The following TMEM225B variants were observed in gnomAD, a reference collection of about 807,000 sequenced individuals.
The protein encoded by TMEM225B is transmembrane protein 225-like.
A neutral mutation model predicts 16.9 loss-of-function variants in TMEM225B; 10 were observed. The ratio of observed to expected loss-of-function variants is 0.59; its 90% CI spans 0.36 to 1.00. The LOEUF is 1.00. TMEM225B is among the 50% of genes least tolerant of loss of function. TMEM225B has a pLI of 0.01. For missense variants in TMEM225B, 217 were observed against 267.0 expected (o/e 0.81, Z 1.30); for synonymous variants, 92 against 109.8 (o/e 0.84, Z 1.01).
In TMEM225B at chr7:99,611,025, A is replaced by G. The variant is rs1012019168; in HGVS notation, c.*460A>G. On this transcript the variant is annotated 3_prime_UTR_variant, in exon 6 of 6. Transcript: ENST00000431679. ...GTTGTAGATAAAGAAAGGCAGATTT[A>G]TTAAAGGAAGTATAAAAGTACATTG... Among the ~76,000 whole-genome samples the G allele has an allele frequency of 6.6e-6, 1 of 152,188 alleles. No homozygotes were observed. Among genetic ancestry groups the G allele is most frequent in the Non-Finnish European group, 1.5e-5 (1 of 68,038 alleles).
chr7:99,602,684 A>G (rs1805467209), intron 2 of TMEM225B, among the ~76,000 whole-genome samples: 1 of 152,174 alleles, frequency 6.6e-6, no homozygotes, highest in African/African-American at 2.4e-5. Context: ...CCACGGTGTA[A>G]CTACTCATTC....
At chr7:99,603,509 T>A (rs1805527209) in intron 2 of TMEM225B, among the ~76,000 whole-genome samples, 1 of 152,012 alleles carries the variant, frequency 6.6e-6, no homozygotes, top group Non-Finnish European at 1.5e-5. Context: ...CTGGCCAACA[T>A]GGTGAAACGC....
chr7:99,599,124 A>G (rs1805109124), intron 1 of TMEM225B, among the ~76,000 whole-genome samples: 3 of 126,738 alleles, frequency 2.4e-5, no homozygotes, highest in African/African-American at 3.6e-5. Context: ...ACGCCTGGCT[A>G]ATTTTTTTTT....
chr7:99,600,310 G>A (rs935662874), intron 2 of TMEM225B, 25 bp downstream of exon 2: 1 of 702,768 alleles, frequency 1.4e-6, no homozygotes, highest in African/African-American at 1.7e-5. Context: ...AATTTTTGCT[G>A]AGGGAGTGGC....
intron 2 of TMEM225B, among the ~76,000 whole-genome samples, chr7:99,601,116 A>G (rs1805323015): frequency 6.6e-6 from 1 of 152,200 alleles, no homozygotes; most frequent in African/African-American, 2.4e-5. Context: ...TCCCATCTAT[A>G]CAGAGGACAG....
Position 99,610,442 on chromosome 7 carries a change from G to A in TMEM225B, c.543G>A (p.Leu181=). 1 of 1,536,078 alleles carries A rather than the reference G, an allele frequency of 6.5e-7. No homozygotes were observed. Among genetic ancestry groups the A allele is most frequent in the Non-Finnish European group, 8.7e-7 (1 of 1,146,902 alleles). The change falls in exon 6 of 6, where the codon TTG becomes TTA. Residue 181 remains leucine (L), a synonymous_variant. Coordinates refer to ENST00000431679, the MANE Select transcript of TMEM225B (RefSeq NM_001195541.3). ...TGGTTTGCCCTTGCTGGCACTTGTT[G>A]TCCACTTCCCAGAGTATGGAGGAGG... ...QEMVCPCWHL[L]STSQSMEEDH...
intron 1 of TMEM225B, among the ~76,000 whole-genome samples, chr7:99,598,731 T>C (rs1013822162): frequency 6.6e-6 from 1 of 152,158 alleles, no homozygotes; most frequent in Non-Finnish European, 1.5e-5. Context: ...GAAGGTCTCT[T>C]TCCCATTCCA....
chr7:99,607,887 T>TAGAA (rs1805962650), intron 5 of TMEM225B, 77 bp downstream of exon 5: 1 of 1,450,308 alleles, frequency 6.9e-7, no homozygotes, highest in Non-Finnish European at 9.2e-7. Context: ...AGGCCCTCCC[T>TAGAA]TTGGATTCTC....
chr7:99,604,289 A>G, intron 2 of TMEM225B, 97 bp from the exon 3 acceptor site: 1 of 759,850 alleles, frequency 1.3e-6, no homozygotes, highest in East Asian at 2.7e-5. Context: ...CGCCACACAC[A>G]GCACTGACAT....
At position 99,606,844 on chromosome 7, in the gene TMEM225B, C is replaced by G. The variant is rs117141110; in HGVS notation, c.305C>G (p.Pro102Arg). 1.3e-6 allele frequency: 2 copies of G among 1,535,998 alleles called. No homozygotes were observed. Among genetic ancestry groups the G allele is most frequent in the Admixed American group, 2.0e-5 (1 of 50,974 alleles). Residue 102 changes from proline (P) to arginine (R), a missense_variant, in exon 4 of 6, where the codon CCG (proline) becomes CGG (arginine). Pro to Arg is a moderately radical substitution (Grantham distance 103). Transcript: ENST00000431679. ...ATGCCCTTTGCATCCGAGTTCTTCC[C>G]GAGGACCTGGAAGCAAAACTTTGTG... The part of the protein sequence containing the change: ...IMMPFASEFF[P>R]RTWKQNFVLA...
chr7:99,606,725 C>T (rs1444026200), intron 3 of TMEM225B, 23 bp from the exon 4 acceptor site: 14 of 1,534,926 alleles, frequency 9.1e-6, no homozygotes, highest in South Asian at 6.0e-5. Flanking sequence ...CCAGCTTCAG[C>T]CCCACTTCTC....
chr7:99,603,956 T>C (rs1312841126), intron 2 of TMEM225B, among the ~76,000 whole-genome samples: 2 of 152,044 alleles, frequency 1.3e-5, no homozygotes, highest in Non-Finnish European at 2.9e-5. Flanking sequence ...GGTTTCGCCA[T>C]GTTGCCCAGG....
chr7:99,607,052 A>G (rs1805877876), intron 4 of TMEM225B, among the ~76,000 whole-genome samples, 158 bp downstream of exon 4: 1 of 152,098 alleles, frequency 6.6e-6, no homozygotes, highest in South Asian at 2.1e-4. Context: ...CAGTGGTGCT[A>G]TCATAGCTCA....
At chr7:99,604,137 G>A (rs1805590362) in intron 2 of TMEM225B, among the ~76,000 whole-genome samples, 1 of 152,228 alleles carries the variant, frequency 6.6e-6, no homozygotes, top group African/African-American at 2.4e-5. Flanking sequence ...AGAGGGCTCA[G>A]AGAGGGAACC....
chr7:99,609,019 T>A (rs1405289078), intron 5 of TMEM225B, among the ~76,000 whole-genome samples: 4 of 151,482 alleles, frequency 2.6e-5, no homozygotes, highest in Non-Finnish European at 5.9e-5. Flanking sequence ...ATACAAAAAT[T>A]AGCTGGGTAT....
In TMEM225B at chr7:99,610,457, T is replaced by A; in HGVS notation, c.558T>A (p.Ser186Arg). 6.5e-7 allele frequency: 1 copy of A among 1,535,944 alleles called. No individual in the cohort carries two copies. Among genetic ancestry groups the A allele is most frequent in the Admixed American group, 2.0e-5 (1 of 50,990 alleles). The change falls in exon 6 of 6, where the codon AGT becomes AGA. Residue 186 changes from serine to arginine, a missense_variant. Ser to Arg is a moderately radical substitution (Grantham distance 110, BLOSUM62 -1). Coordinates refer to ENST00000431679, the MANE Select transcript of TMEM225B (RefSeq NM_001195541.3). ...PCWHLLSTSQ[S>R]MEEDHGSLYL... ...GGCACTTGTTGTCCACTTCCCAGAG[T>A]ATGGAGGAGGACCACGGGAGCCTGT...
Position 99,602,621 on chromosome 7 carries a change from T to C in TMEM225B, c.-3-1765T>C, listed in dbSNP as rs1805462852. Among the ~76,000 whole-genome samples the C allele has an allele frequency of 2.0e-5, 3 of 152,158 alleles. No individual in the cohort carries two copies. The South Asian group carries it at 6.2e-4, about 32-fold the overall frequency. ...GAGACTCTGAGCAACTTCCCCAAGA[T>C]CACACAGCTAGGAAGTGATGAAGCT... On this transcript the variant is annotated intron_variant, in intron 2 of 5. Coordinates refer to ENST00000431679, the MANE Select transcript of TMEM225B (RefSeq NM_001195541.3).
intron 2 of TMEM225B, among the ~76,000 whole-genome samples, chr7:99,602,265 C>T (rs1805436257): frequency 6.6e-6 from 1 of 152,232 alleles, no homozygotes; most frequent in Non-Finnish European, 1.5e-5. Flanking sequence ...GGATAACTCT[C>T]ATTCCTCAGA....
intron 1 of TMEM225B, 98 bp from the exon 2 acceptor site, chr7:99,600,107 G>C: frequency 1.5e-6 from 1 of 677,068 alleles, no homozygotes; most frequent in Non-Finnish European, 2.7e-6. Flanking sequence ...GACAGATAAG[G>C]GGTAGTGCCC....
Sources: gnomAD v4.1 joint callset for allele counts (sites outside exome capture counted in the v4.1 genomes callset) on GRCh38, gnomAD v4.1.1 for gene constraint, MANE v1.5 for transcripts, NCBI Gene and HGNC (gene_info 2026-07-23, HGNC 2026-07-21) for gene names.